DIAPH2: variants seen among roughly 807,000 people sequenced by gnomAD.
DIAPH2 encodes protein diaphanous homolog 2.
Under a neutral mutation model 92.7 loss-of-function variants are expected in DIAPH2, and 35 were observed. The ratio of observed to expected loss-of-function variants is 0.38; its 90% confidence interval spans 0.29 to 0.50. DIAPH2 has a LOEUF of 0.50. Ranked by LOEUF, DIAPH2 falls within the 20% of genes least tolerant of loss-of-function variation. DIAPH2 has a pLI of 0.94. For synonymous variants in DIAPH2, 301 were observed against 280.4 expected (o/e 1.07, Z -0.73); for missense variants, 701 against 819.5 (o/e 0.86, Z 1.77).
rs148213944 is a variant in DIAPH2, at chrX:97,306,692, A to G, written c.2845-41424A>G. 9.6e-3 allele frequency among the ~76,000 whole-genome samples: 1,064 copies of G among 111,326 alleles called. 23 individuals carry two copies. The East Asian group carries it at 0.15, about 16-fold the overall frequency. ...ATTTCTTTGTATCTGGGTGGTTATG[A>G]TACTGCCCTGTTTTTGGAGGGCCAC... On this transcript the variant is annotated intron_variant, in intron 23 of 26. Transcript: ENST00000324765.
At chrX:96,952,942 G>A (rs1185657609) in intron 15 of DIAPH2, among the ~76,000 whole-genome samples, 1 of 106,343 alleles carries the variant, frequency 9.4e-6, no homozygotes, top group African/African-American at 3.5e-5. Flanking sequence ...GGGCCACATA[G>A]TGAGACCCCA....
chrX:97,486,566 G>A (rs2070690128), intron 26 of DIAPH2, among the ~76,000 whole-genome samples: 1 of 111,384 alleles, frequency 9.0e-6, no homozygotes. Context: ...GCCATTCTAA[G>A]CATTGACTAA....
At chrX:96,755,814 T>C (rs776546409) in intron 3 of DIAPH2, among the ~76,000 whole-genome samples, 5 of 110,866 alleles carry the variant, frequency 4.5e-5, no homozygotes, top group Non-Finnish European at 7.6e-5. Context: ...TCACATACCA[T>C]AAAATTCACC....
At chrX:97,473,186 C>A (rs924380013) in intron 26 of DIAPH2, among the ~76,000 whole-genome samples, 2 of 111,849 alleles carry the variant, frequency 1.8e-5, no homozygotes, top group South Asian at 3.7e-4. Flanking sequence ...GTTTTCCCAA[C>A]CATTATGAAA....
intron 23 of DIAPH2, among the ~76,000 whole-genome samples, chrX:97,256,100 T>C (rs777027447): frequency 8.9e-6 from 1 of 112,439 alleles, no homozygotes; most frequent in South Asian, 3.7e-4. Flanking sequence ...ACCTGACAAA[T>C]TCTAATCGCT....
intron 5 of DIAPH2, among the ~76,000 whole-genome samples, chrX:96,909,553 C>T (rs114330313): frequency 0.04 from 4,435 of 110,639 alleles, 235 homozygotes; most frequent in African/African-American, 0.14. Flanking sequence ...TAACCTCTTG[C>T]GCATCGTCAT....
At chrX:97,277,726 A>G (rs928874799) in intron 23 of DIAPH2, among the ~76,000 whole-genome samples, 7 of 112,083 alleles carry the variant, frequency 6.2e-5, no homozygotes, top group African/African-American at 2.3e-4. Context: ...CTGTTCCTCA[A>G]TCTGAATGTT....
At chrX:97,572,210 G>C (rs2071374841) in intron 26 of DIAPH2, among the ~76,000 whole-genome samples, 1 of 110,467 alleles carries the variant, frequency 9.1e-6, no homozygotes, top group Non-Finnish European at 1.9e-5. Context: ...GGGGCAAGGG[G>C]GACCATTTTG....
intron 4 of DIAPH2, among the ~76,000 whole-genome samples, chrX:96,828,625 G>A (rs1189547090): frequency 1.8e-5 from 2 of 111,926 alleles, no homozygotes; most frequent in African/African-American, 6.5e-5. Flanking sequence ...GGTGATTTCA[G>A]AGCATTTATC....
At chrX:97,388,798 A>G (rs2069625794) in intron 25 of DIAPH2, among the ~76,000 whole-genome samples, 1 of 111,853 alleles carries the variant, frequency 8.9e-6, no homozygotes, top group Non-Finnish European at 1.9e-5. Context: ...TAAAATAACA[A>G]TAGTAAACCT....
At chrX:96,868,536 C>T (rs1051598216) in intron 4 of DIAPH2, among the ~76,000 whole-genome samples, 5 of 111,528 alleles carry the variant, frequency 4.5e-5, no homozygotes, top group African/African-American at 1.6e-4. Context: ...CCTTATCTAC[C>T]TTTGGTGAAC....
At chrX:97,047,179 T>C (rs965854018) in intron 17 of DIAPH2, among the ~76,000 whole-genome samples, 2 of 111,374 alleles carry the variant, frequency 1.8e-5, no homozygotes, top group Non-Finnish European at 3.8e-5. Context: ...TGAATTATGC[T>C]ACCTAATACT....
At chrX:96,799,700 C>T (rs776696853) in intron 4 of DIAPH2, among the ~76,000 whole-genome samples, 2 of 110,121 alleles carry the variant, frequency 1.8e-5, no homozygotes, top group South Asian at 4.0e-4. Context: ...CCCAGCTACT[C>T]GGGAGGCCAA....
At chrX:97,365,313 C>G (rs1441716998) in intron 24 of DIAPH2, among the ~76,000 whole-genome samples, 1 of 111,749 alleles carries the variant, frequency 8.9e-6, no homozygotes, top group Non-Finnish European at 1.9e-5. Flanking sequence ...TTTTAGTTCT[C>G]CTGAGCTTAG....
chrX:96,727,671 T>C (rs2064028187), intron 1 of DIAPH2, among the ~76,000 whole-genome samples: 1 of 111,931 alleles, frequency 8.9e-6, no homozygotes, highest in Non-Finnish European at 1.9e-5. Flanking sequence ...TATTTAACAG[T>C]ATTTGAGCAG....
At chrX:96,821,901 A>G (rs1196809192) in intron 4 of DIAPH2, among the ~76,000 whole-genome samples, 2 of 111,885 alleles carry the variant, frequency 1.8e-5, no homozygotes, top group African/African-American at 3.2e-5. Context: ...CTCTTTTTCT[A>G]CAGCTCTATA....
chrX:96,714,483 C>T (rs923536643), intron 1 of DIAPH2, among the ~76,000 whole-genome samples: 4 of 110,272 alleles, frequency 3.6e-5, no homozygotes, highest in East Asian at 2.8e-4. Context: ...AGGTTGGTCT[C>T]GAACTCCTGA....
At chrX:97,524,785 G>A (rs983736945) in intron 26 of DIAPH2, among the ~76,000 whole-genome samples, 3 of 111,744 alleles carry the variant, frequency 2.7e-5, no homozygotes, top group Admixed American at 9.5e-5. Flanking sequence ...TGTTCACCAA[G>A]GTTCAACCCT....
chrX:96,816,328 C>T (rs1333651740), intron 4 of DIAPH2, among the ~76,000 whole-genome samples: 2 of 111,911 alleles, frequency 1.8e-5, no homozygotes, highest in African/African-American at 6.5e-5. Context: ...GACATAAATT[C>T]TTTTGGATCA....
Sources: allele counts gnomAD v4.1 joint callset (sites outside exome capture counted in the v4.1 genomes callset), GRCh38; gene constraint gnomAD v4.1.1; transcripts MANE v1.5; gene names NCBI Gene and HGNC (gene_info 2026-07-23, HGNC 2026-07-21).